The following PCYOX1 variants were observed in gnomAD, a reference collection of about 807,000 sequenced individuals.
The protein encoded by PCYOX1 is prenylcysteine oxidase 1, also known as prenylcysteine lyase.
PCYOX1 carries 46 observed loss-of-function variants against 46.4 expected under a neutral mutation model. That is an observed-to-expected ratio of 0.99 (90% CI 0.78 to 1.27). The LOEUF is 1.27. Among genes scored for constraint, PCYOX1 ranks in the 50% most tolerant of loss-of-function variants. PCYOX1 has a pLI of 0.00. For missense variants in PCYOX1, 658 were observed against 628.3 expected, an observed-to-expected ratio of 1.05 and a Z score of -0.51; for synonymous variants, 220 against 231.8, an observed-to-expected ratio of 0.95 and a Z score of 0.46.
chr2:70,258,095 G>C, upstream of PCYOX1: 6 of 1,302,226 alleles, frequency 4.6e-6, no homozygotes, highest in South Asian at 7.7e-5. Context: ...GGGCTGGGCG[G>C]AGCGCGCAGC....
intron 3 of PCYOX1, among the ~76,000 whole-genome samples, chr2:70,264,037 A>G (rs1399461693): frequency 7.2e-6 from 1 of 139,202 alleles, no homozygotes; most frequent in Admixed American, 8.0e-5. Context: ...ATCATGGCTC[A>G]CTGCAGCCTG....
In PCYOX1 at chr2:70,277,342, G is replaced by C. The variant is rs1696687568; in HGVS notation, c.1468G>C (p.Asp490His). The change falls in exon 6 of 6, where the codon GAC (aspartate) becomes CAC (histidine). Residue 490 changes from aspartate to histidine, a missense_variant. Coordinates refer to ENST00000433351, the MANE Select transcript of PCYOX1 (RefSeq NM_016297.4). The stretch of plus-strand genomic sequence containing the variant: ...CTATCACCGCTGGAACGGGCACACA[G>C]ACATGATTGATCAGGATGGCTTATA... ...LAYHRWNGHT[D>H]MIDQDGLYEK... 3 of 1,613,386 alleles carry C rather than the reference G, an allele frequency of 1.9e-6. No homozygotes were observed. Among genetic ancestry groups the C allele is most frequent in the Non-Finnish European group, 2.5e-6 (3 of 1,179,412 alleles).
chr2:70,261,464 G>A (rs1696435510), intron 3 of PCYOX1, 78 bp downstream of exon 3: 1 of 1,031,292 alleles, frequency 9.7e-7, no homozygotes, highest in Non-Finnish European at 1.4e-6. Flanking sequence ...TAGGAATTAT[G>A]ATTTCTTGTA....
intron 3 of PCYOX1, among the ~76,000 whole-genome samples, chr2:70,269,334 ATTT>A (rs745493965): frequency 4.6e-5 from 6 of 131,686 alleles, no homozygotes; most frequent in African/African-American, 1.1e-4. Context: ...TGCCCAGCTA[ATTT>A]TTTTTTTTTT....
Position 70,277,079 on chromosome 2 carries a change from C to T in PCYOX1, c.1205C>T (p.Thr402Ile). ...KEDPEPSTDG[T>I]YVWKIFSQET... ...GATCCTGAGCCATCAACAGATGGAA[C>T]ATATGTTTGGAAGATCTTTTCCCAA... The change falls in exon 6 of 6, where the codon ACA (threonine) becomes ATA (isoleucine). Residue 402 changes from threonine to isoleucine, a missense_variant. By Grantham distance (89) the Thr-to-Ile change is moderately conservative (BLOSUM62 -1). Transcript: ENST00000433351. The T allele has an allele frequency of 6.2e-7, 1 of 1,613,636 alleles. No individual in the cohort carries two copies. Among genetic ancestry groups the T allele is most frequent in the Non-Finnish European group, 8.5e-7 (1 of 1,179,560 alleles).
At chr2:70,268,859 G>C (rs1277306263) in intron 3 of PCYOX1, among the ~76,000 whole-genome samples, 1 of 151,956 alleles carries the variant, frequency 6.6e-6, no homozygotes, top group Non-Finnish European at 1.5e-5. Flanking sequence ...CAGCAAGAAG[G>C]TGGCCATCTG....
In PCYOX1 at chr2:70,261,202, G is replaced by A. The variant is rs1384866936; in HGVS notation, c.320-10G>A. On this transcript the variant is annotated splice_polypyrimidine_tract_variant and intron_variant, in intron 2 of 5. Coordinates refer to ENST00000433351, the MANE Select transcript of PCYOX1 (RefSeq NM_016297.4). ...CACCACTGACTTAGCTGTGCTTTAT[G>A]TTTTTGCAGGTCTCTCTGCTGTTCA... 3 of 1,596,562 alleles carry A rather than the reference G, an allele frequency of 1.9e-6. No individual in the cohort carries two copies. The African/African-American group carries it at 4.0e-5, about 21-fold the overall frequency.
chr2:70,268,006 T>G (rs1025483754), intron 3 of PCYOX1, among the ~76,000 whole-genome samples: 7 of 151,978 alleles, frequency 4.6e-5, no homozygotes, highest in Non-Finnish European at 1.0e-4. Flanking sequence ...AGATGGGGTT[T>G]CACCATCTTG....
intron 3 of PCYOX1, among the ~76,000 whole-genome samples, chr2:70,264,699 G>A (rs934769403): frequency 2.0e-5 from 3 of 151,572 alleles, no homozygotes; most frequent in Non-Finnish European, 4.4e-5. Flanking sequence ...GGATACATAG[G>A]TTATACTGTT....
chr2:70,260,537 A>G (rs1559033325), intron 2 of PCYOX1, among the ~76,000 whole-genome samples: 1 of 152,110 alleles, frequency 6.6e-6, no homozygotes. Context: ...GTGAGACCCT[A>G]TCAAAACAAA....
chr2:70,269,135 T>C (rs990646970), intron 3 of PCYOX1, among the ~76,000 whole-genome samples: 1 of 151,726 alleles, frequency 6.6e-6, no homozygotes, highest in Non-Finnish European at 1.5e-5. Context: ...TTCATGAAGG[T>C]TTATTTCTGG....
chr2:70,278,008 A>T lies in PCYOX1; in HGVS notation c.*616A>T, dbSNP rs1696711457. 6.6e-6 allele frequency: 1 copy of T among 152,188 alleles called. No homozygotes were observed. Among genetic ancestry groups the T allele is most frequent in the African/African-American group, 2.4e-5 (1 of 41,440 alleles). The allele number at this position is 152,188 out of a possible 1,614,324, so 9.4% of individuals were successfully genotyped here. On this transcript the variant is annotated 3_prime_UTR_variant, in exon 6 of 6. Transcript: ENST00000433351. Reference sequence around the variant, plus strand: ...CTTATGCCTGACTCTTAGTAATTTCATACCGGTTTGAAGTACGTGTGCCCA... The same window carrying T: ...CTTATGCCTGACTCTTAGTAATTTCTTACCGGTTTGAAGTACGTGTGCCCA...
chr2:70,271,077 T>A (rs1035783531), intron 3 of PCYOX1, among the ~76,000 whole-genome samples: 26 of 152,116 alleles, frequency 1.7e-4, no homozygotes, highest in African/African-American at 5.8e-4. Flanking sequence ...GTTTTTGTTT[T>A]TTTTAAGACA....
chr2:70,261,078 C>T, intron 2 of PCYOX1, 134 bp from the exon 3 acceptor site: 1 of 585,606 alleles, frequency 1.7e-6, no homozygotes, highest in Non-Finnish European at 3.0e-6. Flanking sequence ...TATAGTGTTT[C>T]ACACTGTTCC....
intron 3 of PCYOX1, among the ~76,000 whole-genome samples, chr2:70,264,708 T>C (rs1318520910): frequency 2.0e-5 from 3 of 151,836 alleles, no homozygotes; most frequent in Non-Finnish European, 4.4e-5. Context: ...GGTTATACTG[T>C]TTTTGACTTT....
At position 70,278,771 on chromosome 2, in the gene PCYOX1, A is replaced by G. The variant is rs1050315500; in HGVS notation, c.*1379A>G. ...AAACTTCAGAACTAGTTCTGCATCTACTGTGCAAAGATCATGATTAACTGT... is the reference window on the plus strand; with the variant it reads ...AAACTTCAGAACTAGTTCTGCATCTGCTGTGCAAAGATCATGATTAACTGT... On this transcript the variant is annotated 3_prime_UTR_variant, in exon 6 of 6. Transcript: ENST00000433351. 8 of 152,210 alleles carry G rather than the reference A, an allele frequency of 5.3e-5. No individual in the cohort carries two copies. The highest frequency in any genetic ancestry group is 1.9e-4 in the African/African-American group (8 of 41,462). 9.4% of individuals were successfully genotyped at this position (152,210 alleles called of 1,614,324 possible).
intron 5 of PCYOX1, 55 bp from the exon 6 acceptor site, chr2:70,276,679 T>G: frequency 5.1e-6 from 5 of 973,530 alleles, no homozygotes; most frequent in Non-Finnish European, 7.8e-6. Flanking sequence ...TACAATTATT[T>G]TTAGAAGGTA....
At chr2:70,260,095 G>T (rs960315022) in intron 2 of PCYOX1, among the ~76,000 whole-genome samples, 13 of 152,194 alleles carry the variant, frequency 8.5e-5, no homozygotes, top group African/African-American at 3.1e-4. Flanking sequence ...GATTACAGGG[G>T]TGAGCCACCG....
intron 3 of PCYOX1, among the ~76,000 whole-genome samples, chr2:70,271,034 T>C (rs1696593936): frequency 2.6e-5 from 4 of 152,070 alleles, no homozygotes; most frequent in South Asian, 2.1e-4. Context: ...GCCCCAGTTA[T>C]ATTTTTTTAA....
Sources: allele counts gnomAD v4.1 joint callset (sites outside exome capture counted in the v4.1 genomes callset), GRCh38; gene constraint gnomAD v4.1.1; transcripts MANE v1.5; gene names NCBI Gene and HGNC (gene_info 2026-07-23, HGNC 2026-07-21).